The following SEMA5B variants were observed in gnomAD, a reference collection of about 807,000 sequenced individuals.
SEMA5B encodes the protein semaphorin 5B.
In SEMA5B, 66 loss-of-function variants were observed where a neutral mutation model predicts 135.0. The ratio of observed to expected loss-of-function variants is 0.49; its 90% CI spans 0.40 to 0.60. The LOEUF is 0.60. SEMA5B is among the 20% of genes least tolerant of loss of function. The pLI is 0.00. For synonymous variants in SEMA5B, 690 were observed against 639.5 expected (o/e 1.08, Z -1.19); for missense variants, 1,501 against 1,566.3 (o/e 0.96, Z 0.70).
chr3:122,963,762 T>C (rs1051531004), intron 1 of SEMA5B, among the ~76,000 whole-genome samples: 2 of 152,220 alleles, frequency 1.3e-5, no homozygotes, highest in Admixed American at 6.5e-5. Flanking sequence ...ACAGATCATA[T>C]AGAGGAAGGT....
At chr3:122,945,040 A>G (rs1939724142) in intron 3 of SEMA5B, among the ~76,000 whole-genome samples, 1 of 152,234 alleles carries the variant, frequency 6.6e-6, no homozygotes, top group African/African-American at 2.4e-5. Context: ...TGTGTAATCC[A>G]AAGGAAATAA....
chr3:122,954,707 A>C (rs1246310514), intron 2 of SEMA5B, among the ~76,000 whole-genome samples: 1 of 152,048 alleles, frequency 6.6e-6, no homozygotes, highest in African/African-American at 2.4e-5. Flanking sequence ...ACCTTTAGCC[A>C]TATGCTAAGG....
chr3:122,928,552 T>C lies in SEMA5B; in HGVS notation c.601A>G (p.Thr201Ala). 6.4e-7 allele frequency: 1 copy of C among 1,565,992 alleles called. No individual in the cohort carries two copies. The highest frequency in any genetic ancestry group is 8.7e-7 in the Non-Finnish European group (1 of 1,154,768). The stretch of plus-strand genomic sequence containing the variant: ...GTGCACATGGGGGAAAAGGCATTGG[T>C]TCCACACATGAACACCTTCCGGCCG... ...VAGRKVFMCG[T>A]NAFSPMCTSR... is the part of the protein sequence containing the mutation. The change falls in exon 7 of 23, where the codon ACC becomes GCC. Residue 201 changes from threonine (T) to alanine (A), a missense_variant. Transcript: ENST00000357599.
chr3:122,911,323 G>T lies in SEMA5B; in HGVS notation c.3091+168C>A, dbSNP rs752011828. Reference sequence around the variant, plus strand: ...ACTGATGATGGCCTCCTAGCTGGGGGGGGCATGGAGGGAACTGCCCAGACC... The same window carrying T: ...ACTGATGATGGCCTCCTAGCTGGGGTGGGCATGGAGGGAACTGCCCAGACC... On this transcript the variant is annotated intron_variant, in intron 21 of 22. Coordinates refer to ENST00000357599, the MANE Select transcript of SEMA5B (RefSeq NM_001031702.4). 3 of 1,518,162 alleles carry T rather than the reference G, an allele frequency of 2.0e-6. No individual in the cohort carries two copies. In the African/African-American group the frequency reaches 4.1e-5, roughly 21 times the overall value. 94.0% of individuals were successfully genotyped at this position (1,518,162 alleles called of 1,614,324 possible).
chr3:122,974,818 G>A (rs567556211), intron 1 of SEMA5B, among the ~76,000 whole-genome samples: 1 of 152,300 alleles, frequency 6.6e-6, no homozygotes, highest in East Asian at 1.9e-4. Flanking sequence ...TTGGTGCCAA[G>A]CCCCTTAAGT....
chr3:122,954,997 C>A (rs1940222021), intron 2 of SEMA5B, among the ~76,000 whole-genome samples: 1 of 150,984 alleles, frequency 6.6e-6, no homozygotes, highest in South Asian at 2.1e-4. Flanking sequence ...GAAACAGAGT[C>A]CACTGTGTTG....
At chr3:122,943,663 T>G in intron 3 of SEMA5B, 128 bp from the exon 4 acceptor site, 1 of 640,516 alleles carries the variant, frequency 1.6e-6, no homozygotes, top group Non-Finnish European at 2.7e-6. Context: ...GGAGACCTGG[T>G]GCCACCTGCC....
chr3:122,984,439 G>A (rs899077801), intron 1 of SEMA5B, among the ~76,000 whole-genome samples: 1 of 152,222 alleles, frequency 6.6e-6, no homozygotes. Flanking sequence ...TTGTCAGTCG[G>A]GGGCTGCCAA....
Position 122,922,408 on chromosome 3 carries a change from T to C in SEMA5B, c.1312A>G (p.Thr438Ala). 6.2e-7 allele frequency: 1 copy of C among 1,610,610 alleles called. No homozygotes were observed. The highest frequency in any genetic ancestry group is 8.5e-7 in the Non-Finnish European group (1 of 1,178,798). The change falls in exon 11 of 23, where the codon ACG becomes GCG. Residue 438 changes from threonine to alanine, a missense_variant. Physicochemically the swap from Thr to Ala is moderately conservative, Grantham distance 58. This residue lies in a region of SEMA5B where 574 missense variants were observed against 684.7 expected (regional missense o/e 0.84). Coordinates refer to ENST00000357599, the MANE Select transcript of SEMA5B (RefSeq NM_001031702.4). ...TGCGCGTCCTGCAGGCTGCGCTCCGTCAGGTTCTCGTTGGGACCGGTCTCA... is the reference window on the plus strand; with the variant it reads ...TGCGCGTCCTGCAGGCTGCGCTCCGCCAGGTTCTCGTTGGGACCGGTCTCA... ...LPETGPNENL[T>A]ERSLQDAQRL...
chr3:122,958,844 G>A (rs1257396881), intron 2 of SEMA5B, among the ~76,000 whole-genome samples: 7 of 152,122 alleles, frequency 4.6e-5, no homozygotes, highest in Admixed American at 4.6e-4. Context: ...TCTGCTTTCT[G>A]CAATCTGGGC....
intron 5 of SEMA5B, among the ~76,000 whole-genome samples, chr3:122,929,845 C>G (rs1380015377): frequency 6.6e-6 from 1 of 152,202 alleles, no homozygotes; most frequent in African/African-American, 2.4e-5. Flanking sequence ...ATGCCCATGG[C>G]ATTAGGAGAG....
At chr3:122,916,944 C>G (rs1445347961) in intron 12 of SEMA5B, among the ~76,000 whole-genome samples, 2 of 152,244 alleles carry the variant, frequency 1.3e-5, no homozygotes, top group African/African-American at 2.4e-5. Flanking sequence ...CTCCACTTCT[C>G]ATAGTCCAGA....
chr3:122,959,729 G>T (rs1940491593), intron 2 of SEMA5B, among the ~76,000 whole-genome samples: 1 of 152,198 alleles, frequency 6.6e-6, no homozygotes, highest in African/African-American at 2.4e-5. Context: ...CCAGAGCCCT[G>T]CCTCATAGAG....
intron 1 of SEMA5B, among the ~76,000 whole-genome samples, chr3:123,013,824 G>A (rs935427647): frequency 2.6e-5 from 4 of 152,224 alleles, no homozygotes; most frequent in African/African-American, 7.2e-5. Flanking sequence ...AGGCTTCAGG[G>A]AAGAGGGGAG....
Position 122,999,330 on chromosome 3 carries a change from G to A in SEMA5B, c.-39+28134C>T, listed in dbSNP as rs988431544. On this transcript the variant is annotated intron_variant, in intron 1 of 22. Transcript: ENST00000357599. ...CAACATCTGCCTCCCGGGTTCAAGC[G>A]ATTCTCGTTACTCAGCCTCCCAAGT... Among the ~76,000 whole-genome samples the A allele has an allele frequency of 6.9e-4, 105 of 152,212 alleles. 1 individual carries two copies. The highest frequency in any genetic ancestry group is 1.9e-3 in the African/African-American group (77 of 41,538).
chr3:122,964,310 C>T (rs1940723699), intron 1 of SEMA5B, among the ~76,000 whole-genome samples: 1 of 152,138 alleles, frequency 6.6e-6, no homozygotes, highest in Non-Finnish European at 1.5e-5. Context: ...TGACATGTGA[C>T]ATATGAGCCA....
intron 12 of SEMA5B, among the ~76,000 whole-genome samples, chr3:122,917,464 G>A (rs1052746807): frequency 1.6e-4 from 25 of 152,268 alleles, no homozygotes; most frequent in Admixed American, 1.6e-3. Flanking sequence ...TGGCATCCCT[G>A]GGGTAGAATT....
At chr3:122,962,056 G>A (rs1940607559) in intron 1 of SEMA5B, among the ~76,000 whole-genome samples, 1 of 152,112 alleles carries the variant, frequency 6.6e-6, no homozygotes, top group Non-Finnish European at 1.5e-5. Context: ...ATTACATTGG[G>A]CCCATCTAGA....
intron 2 of SEMA5B, among the ~76,000 whole-genome samples, chr3:122,952,674 A>G (rs144421664): frequency 9.6e-4 from 146 of 152,308 alleles, no homozygotes; most frequent in African/African-American, 3.3e-3. Context: ...TCTGACACTT[A>G]TGCTGGATGC....
Sources: gnomAD v4.1 joint callset for allele counts (sites outside exome capture counted in the v4.1 genomes callset) on GRCh38, gnomAD v4.1.1 for gene constraint, gnomAD v4.1.1 regional missense constraint, MANE v1.5 for transcripts, NCBI Gene and HGNC (gene_info 2026-07-23, HGNC 2026-07-21) for gene names.